Variants in MYO1B observed in about 807,000 individuals in gnomAD.
The protein encoded by MYO1B is myosin IB.
Under a neutral mutation model 159.7 loss-of-function variants are expected in MYO1B, and 72 were observed. That is an observed-to-expected ratio of 0.45 (90% CI 0.37 to 0.55). The LOEUF is 0.55. Ranked by LOEUF, MYO1B falls within the 20% of genes least tolerant of loss-of-function variation. The pLI is 0.00. For missense variants in MYO1B, 1,062 were observed against 1,364.8 expected (o/e 0.78, Z 3.50); for synonymous variants, 468 against 473.8 (o/e 0.99, Z 0.16).
At chr2:191,333,611 G>T (rs555597327) in intron 4 of MYO1B, among the ~76,000 whole-genome samples, 1 of 152,028 alleles carries the variant, frequency 6.6e-6, no homozygotes, top group African/African-American at 2.4e-5. Flanking sequence ...TTGTAGCAGT[G>T]TCTAATGGGT....
intron 2 of MYO1B, among the ~76,000 whole-genome samples, chr2:191,283,247 C>G (rs1282936530): frequency 6.6e-6 from 1 of 152,164 alleles, no homozygotes; most frequent in Non-Finnish European, 1.5e-5. Context: ...ATCATGGAGG[C>G]ACTGTATAGG....
In MYO1B at chr2:191,363,707, CT is replaced by C. The variant is rs748921302; in HGVS notation, c.766-11del. 1,691 of 1,406,036 alleles carry C rather than the reference CT, an allele frequency of 1.2e-3. No homozygotes were observed. The highest frequency in any genetic ancestry group is 3.5e-3 in the South Asian group (247 of 69,604). The allele number at this position is 1,406,036 out of a possible 1,614,324, so 87.1% of individuals were successfully genotyped here. Reference sequence around the variant, plus strand: ...AATAACTATAAGAAAAAAATAGTTGCTTTTTTTTTTCTCTCCCCAGAATGCC... The same window carrying C: ...AATAACTATAAGAAAAAAATAGTTGCTTTTTTTTTCTCTCCCCAGAATGCC... On this transcript the variant is annotated intron_variant, in intron 9 of 30. Coordinates refer to ENST00000392318, the MANE Select transcript of MYO1B (RefSeq NM_001130158.3).
At chr2:191,367,835 T>A (rs1694104866) in intron 11 of MYO1B, among the ~76,000 whole-genome samples, 1 of 152,204 alleles carries the variant, frequency 6.6e-6, no homozygotes, top group East Asian at 1.9e-4. Context: ...GAAATCAATA[T>A]AAGTACATCT....
At chr2:191,391,249 T>A (rs1170623229) in intron 18 of MYO1B, among the ~76,000 whole-genome samples, 1 of 152,222 alleles carries the variant, frequency 6.6e-6, no homozygotes, top group Non-Finnish European at 1.5e-5. Flanking sequence ...ACATGCCTGT[T>A]TCATGGGCCT....
chr2:191,343,980 G>A (rs576136219), intron 5 of MYO1B, among the ~76,000 whole-genome samples: 2 of 152,208 alleles, frequency 1.3e-5, no homozygotes, highest in African/African-American at 4.8e-5. Flanking sequence ...GTTTAGGGTT[G>A]TGTTTAGTAA....
chr2:191,360,854 G>A (rs963218037), intron 8 of MYO1B, 125 bp downstream of exon 8: 2 of 634,164 alleles, frequency 3.2e-6, no homozygotes, highest in African/African-American at 3.7e-5. Context: ...CGATTCTCCT[G>A]CCTTGGCTTC....
chr2:191,414,854 T>C (rs888571209), intron 29 of MYO1B, among the ~76,000 whole-genome samples, 185 bp downstream of exon 29: 1 of 152,242 alleles, frequency 6.6e-6, no homozygotes, highest in African/African-American at 2.4e-5. Context: ...ATCACTTTTA[T>C]TGGCCAGTTT....
At chr2:191,343,035 T>G (rs1476327006) in intron 5 of MYO1B, among the ~76,000 whole-genome samples, 3 of 152,188 alleles carry the variant, frequency 2.0e-5, no homozygotes, top group African/African-American at 7.2e-5. Flanking sequence ...GGGTGTCCTG[T>G]GCATTGTAGG....
chr2:191,293,834 AC>A (rs1171650280), intron 2 of MYO1B, among the ~76,000 whole-genome samples: 2 of 152,256 alleles, frequency 1.3e-5, no homozygotes, highest in African/African-American at 4.8e-5. Context: ...GCCTTATTTT[AC>A]CCAGCCTCTA....
Position 191,383,341 on chromosome 2 carries a change from A to C in MYO1B, c.1352A>C (p.Asn451Thr). ...GCTATCATTTGTGACCTAATAGAAA[A>C]TGTGAGTACTTAGGTACAGTTTTCT... is the stretch of plus-strand genomic sequence containing the variant. ...NNAIICDLIE[N>T]NTNGILAMLD... Residue 451 changes from asparagine (N) to threonine (T), a missense_variant and splice_region_variant, in exon 15 of 31, where the codon AAT becomes ACT. This residue lies in a region of MYO1B where 415 missense variants were observed against 544.0 expected (regional missense o/e 0.76). Transcript: ENST00000392318. 1 of 1,572,356 alleles carries C rather than the reference A, an allele frequency of 6.4e-7. No homozygotes were observed. The highest frequency in any genetic ancestry group is 2.4e-5 in the East Asian group (1 of 41,750).
In MYO1B at chr2:191,400,735, C is replaced by G; in HGVS notation, c.2383-14C>G. ...CTTAAACTTTTCTGTAACTCCTTTT[C>G]AAATGCATCACAGGCACGAAGGGAA... On this transcript the variant is annotated splice_polypyrimidine_tract_variant and intron_variant, in intron 22 of 30. Transcript: ENST00000392318. The G allele has an allele frequency of 6.2e-7, 1 of 1,612,924 alleles. No homozygotes were observed. Among genetic ancestry groups the G allele is most frequent in the Non-Finnish European group, 8.5e-7 (1 of 1,179,526 alleles).
At chr2:191,308,830 A>G (rs914814634) in intron 3 of MYO1B, among the ~76,000 whole-genome samples, 8 of 152,110 alleles carry the variant, frequency 5.3e-5, no homozygotes, top group African/African-American at 1.7e-4. Flanking sequence ...TATCAGCAAC[A>G]TTTGACAACA....
chr2:191,281,322 A>G (rs1688046123), intron 2 of MYO1B, among the ~76,000 whole-genome samples: 1 of 152,142 alleles, frequency 6.6e-6, no homozygotes, highest in Non-Finnish European at 1.5e-5. Context: ...ATCAGGTGAG[A>G]TGAGATGGGG....
chr2:191,265,541 T>G (rs1173696757), intron 1 of MYO1B, among the ~76,000 whole-genome samples: 1 of 152,136 alleles, frequency 6.6e-6, no homozygotes, highest in Non-Finnish European at 1.5e-5. Context: ...TATATTCAAT[T>G]CAGTAATCAC....
At chr2:191,363,144 A>G (rs540422424) in intron 9 of MYO1B, among the ~76,000 whole-genome samples, 5 of 152,344 alleles carry the variant, frequency 3.3e-5, no homozygotes, top group African/African-American at 9.6e-5. Flanking sequence ...TCGTTTTAAA[A>G]AACTGTATAA....
rs1048923762 is a variant in MYO1B at position 191,369,653 on chromosome 2, C to T, written c.1119+25C>T. On this transcript the variant is annotated intron_variant, in intron 12 of 30. Coordinates refer to ENST00000392318, the MANE Select transcript of MYO1B (RefSeq NM_001130158.3). ...GGTACTGAATTTCTATGAGCAAAAT[C>T]AGTTGTAATAAATGGTATTCACAGT... 1.9e-6 allele frequency: 3 copies of T among 1,553,774 alleles called. No homozygotes were observed. The African/African-American group carries it at 4.1e-5, about 21-fold the overall frequency.
chr2:191,321,209 C>G (rs966337542), intron 3 of MYO1B, among the ~76,000 whole-genome samples: 8 of 152,118 alleles, frequency 5.3e-5, no homozygotes, highest in African/African-American at 1.9e-4. Flanking sequence ...TGTAAAAAAT[C>G]AGCAGAAACC....
intron 7 of MYO1B, among the ~76,000 whole-genome samples, chr2:191,358,922 A>G (rs1396513382): frequency 6.6e-6 from 1 of 152,238 alleles, no homozygotes; most frequent in Non-Finnish European, 1.5e-5. Context: ...GCTGGCACAT[A>G]GTGCGTTAGC....
At chr2:191,310,980 A>C (rs1244458525) in intron 3 of MYO1B, among the ~76,000 whole-genome samples, 1 of 152,202 alleles carries the variant, frequency 6.6e-6, no homozygotes, top group Non-Finnish European at 1.5e-5. Context: ...GATGAGTCAC[A>C]ATGTAATTTA....
Sources: gnomAD v4.1 joint callset for allele counts (sites outside exome capture counted in the v4.1 genomes callset) on GRCh38, gnomAD v4.1.1 for gene constraint, gnomAD v4.1.1 regional missense constraint, MANE v1.5 for transcripts, NCBI Gene and HGNC (gene_info 2026-07-23, HGNC 2026-07-21) for gene names.